Variants in ALCAM observed in about 807,000 individuals in gnomAD.
ALCAM encodes activated leukocyte cell adhesion molecule, also known as CD166 antigen.
ALCAM carries 30 observed loss-of-function variants against 70.9 expected under a neutral mutation model. That is an observed-to-expected ratio of 0.42 (90% CI 0.32 to 0.57). The LOEUF (loss-of-function observed/expected upper bound fraction) is 0.57. ALCAM is among the 20% of genes least tolerant of loss of function. ALCAM has a pLI of 0.11. For missense variants in ALCAM, 591 were observed against 695.1 expected, an observed-to-expected ratio of 0.85 and a Z score of 1.68; for synonymous variants, 249 against 242.5, an observed-to-expected ratio of 1.03 and a Z score of -0.25.
chr3:105,403,846 A>T (rs903826655), intron 1 of ALCAM, among the ~76,000 whole-genome samples: 1 of 151,896 alleles, frequency 6.6e-6, no homozygotes, highest in South Asian at 2.1e-4. Flanking sequence ...ATGATACAGG[A>T]TATGAAAGGA....
In ALCAM at chr3:105,526,283, T is replaced by C. The variant is rs769694834; in HGVS notation, c.394+1775T>C. Reference sequence around the variant, plus strand: ...TATTTGTGACAGTTTTCAAAACATTTTGTAAAAAAAAAAAAAAAACATTAA... The same window carrying C: ...TATTTGTGACAGTTTTCAAAACATTCTGTAAAAAAAAAAAAAAAACATTAA... On this transcript the variant is annotated intron_variant, in intron 3 of 15. Coordinates refer to ENST00000306107, the MANE Select transcript of ALCAM (RefSeq NM_001627.4). Among the ~76,000 whole-genome samples the C allele has an allele frequency of 1.3e-3, 177 of 135,830 alleles. 2 individuals are homozygous for C. The Middle Eastern group carries it at 0.022, about 17-fold the overall frequency. 89.1% of individuals were successfully genotyped at this position (135,830 alleles called of 152,430 possible). A position where few individuals can be genotyped will look rare whatever the true frequency, so the allele number is the denominator to read the frequency against.
At chr3:105,534,067 A>T (rs1394275299) in intron 5 of ALCAM, among the ~76,000 whole-genome samples, 1 of 152,082 alleles carries the variant, frequency 6.6e-6, no homozygotes, top group Non-Finnish European at 1.5e-5. Context: ...TGCAACCTAG[A>T]TCCCTCATAT....
chr3:105,433,639 G>A (rs1936985833), intron 1 of ALCAM, among the ~76,000 whole-genome samples: 1 of 151,512 alleles, frequency 6.6e-6, no homozygotes, highest in Non-Finnish European at 1.5e-5. Context: ...CTGTTGCCAG[G>A]AAGAAGACTG....
At chr3:105,531,951 G>A (rs774414953) in intron 3 of ALCAM, 51 bp from the exon 4 acceptor site, 1 of 1,417,538 alleles carries the variant, frequency 7.1e-7, no homozygotes, top group Admixed American at 1.7e-5. Context: ...AATCACAGAA[G>A]TCCCGTTTTT....
At chr3:105,553,822 G>T (rs1162416579) in intron 14 of ALCAM, among the ~76,000 whole-genome samples, 2 of 151,898 alleles carry the variant, frequency 1.3e-5, no homozygotes, top group African/African-American at 2.4e-5. Context: ...AGTTTGTAGG[G>T]CACAGAATTG....
chr3:105,403,683 C>T (rs1209552992), intron 1 of ALCAM, among the ~76,000 whole-genome samples: 1 of 151,844 alleles, frequency 6.6e-6, no homozygotes, highest in East Asian at 1.9e-4. Context: ...GTTTCTTCAA[C>T]ACCCCAAAAA....
At chr3:105,477,030 C>T (rs13070223) in intron 1 of ALCAM, among the ~76,000 whole-genome samples, 39,735 of 151,870 alleles carry the variant, frequency 0.26, 5,684 homozygotes, top group Admixed American at 0.45. Flanking sequence ...CTCTTGCCAC[C>T]ACCGTGTAAG....
chr3:105,368,362 C>A (rs1246235506), intron 1 of ALCAM, among the ~76,000 whole-genome samples: 1 of 152,058 alleles, frequency 6.6e-6, no homozygotes, highest in East Asian at 1.9e-4. Flanking sequence ...GCCCGCCTGG[C>A]GGCTGACACA....
At chr3:105,475,170 A>C (rs1451717893) in intron 1 of ALCAM, among the ~76,000 whole-genome samples, 1 of 151,874 alleles carries the variant, frequency 6.6e-6, no homozygotes, top group Non-Finnish European at 1.5e-5. Context: ...TCAATAGGCT[A>C]AGGGGGTTGT....
intron 9 of ALCAM, among the ~76,000 whole-genome samples, chr3:105,546,217 A>C (rs1199265271): frequency 1.6e-5 from 1 of 63,228 alleles, no homozygotes; most frequent in Non-Finnish European, 4.3e-5. Context: ...TGATGGGTTC[A>C]GAAAACAACA....
rs951674047 is a variant in ALCAM at position 105,413,566 on chromosome 3, G to C, written c.73+46085G>C. Among the ~76,000 whole-genome samples, 5 of 152,204 alleles carry C rather than the reference G, an allele frequency of 3.3e-5. No individual in the cohort carries two copies. The East Asian group carries it at 9.7e-4, about 29-fold the overall frequency. ...TGCATAGTAGATGGATGTGGGATAA[G>C]TCACCTAGCCCATTTCTGAACTTCA... is the stretch of plus-strand genomic sequence containing the variant. On this transcript the variant is annotated intron_variant, in intron 1 of 15. Transcript: ENST00000306107.
At chr3:105,498,759 A>T (rs1241791623) in intron 1 of ALCAM, among the ~76,000 whole-genome samples, 1 of 152,174 alleles carries the variant, frequency 6.6e-6, no homozygotes, top group Non-Finnish European at 1.5e-5. Context: ...CATTAATAAA[A>T]CAGAAATTCA....
At chr3:105,495,521 A>C (rs1333576286) in intron 1 of ALCAM, among the ~76,000 whole-genome samples, 1 of 152,238 alleles carries the variant, frequency 6.6e-6, no homozygotes, top group African/African-American at 2.4e-5. Flanking sequence ...GTTCAAAAAA[A>C]TGACATATTT....
chr3:105,463,919 T>C (rs926833011), intron 1 of ALCAM, among the ~76,000 whole-genome samples: 2 of 151,462 alleles, frequency 1.3e-5, no homozygotes, highest in African/African-American at 4.8e-5. Context: ...TTATAAAACT[T>C]GCATCTTTCC....
intron 1 of ALCAM, among the ~76,000 whole-genome samples, chr3:105,468,188 T>C (rs1937804382): frequency 6.6e-6 from 1 of 151,386 alleles, no homozygotes; most frequent in African/African-American, 2.4e-5. Flanking sequence ...GACAATCTGT[T>C]ACCAAACTCT....
chr3:105,485,853 A>G (rs1938414881), intron 1 of ALCAM, among the ~76,000 whole-genome samples: 1 of 152,036 alleles, frequency 6.6e-6, no homozygotes, highest in Non-Finnish European at 1.5e-5. Flanking sequence ...ATGAATGAAA[A>G]TAATGGCCTG....
At chr3:105,374,895 A>G (rs906206074) in intron 1 of ALCAM, among the ~76,000 whole-genome samples, 6 of 152,210 alleles carry the variant, frequency 3.9e-5, no homozygotes, top group Non-Finnish European at 7.3e-5. Context: ...TCCCTTGGCA[A>G]TAATTGCTCT....
intron 11 of ALCAM, among the ~76,000 whole-genome samples, chr3:105,549,852 G>A (rs1054877718): frequency 3.3e-5 from 5 of 151,292 alleles, no homozygotes; most frequent in Non-Finnish European, 7.4e-5. Flanking sequence ...AGGCCAAAAT[G>A]TTGACTAAAC....
intron 1 of ALCAM, among the ~76,000 whole-genome samples, chr3:105,420,937 A>C (rs1475757412): frequency 6.6e-6 from 1 of 151,482 alleles, no homozygotes; most frequent in Non-Finnish European, 1.5e-5. Context: ...GGGCTTAGAC[A>C]CAGTTTGGTT....
Sources: gnomAD v4.1 joint callset for allele counts (sites outside exome capture counted in the v4.1 genomes callset) on GRCh38, gnomAD v4.1.1 for gene constraint, MANE v1.5 for transcripts, NCBI Gene and HGNC (gene_info 2026-07-23, HGNC 2026-07-21) for gene names.